Variants in SHANK1 observed in about 807,000 individuals in gnomAD.
SHANK1 encodes SH3 and multiple ankyrin repeat domains protein 1.
In SHANK1, 35 loss-of-function variants were observed where a neutral mutation model predicts 165.6. The ratio of observed to expected loss-of-function variants is 0.21; its 90% CI spans 0.16 to 0.28. SHANK1 has a LOEUF of 0.28. Among genes scored for constraint, SHANK1 ranks in the 10% least tolerant of loss-of-function variants. The pLI, the probability that SHANK1 is intolerant of heterozygous loss-of-function variation, is 1.00. For missense variants in SHANK1, 2,681 were observed against 3,036.4 expected, an observed-to-expected ratio of 0.88 and a Z score of 2.75; for synonymous variants, 1,428 against 1,384.8, an observed-to-expected ratio of 1.03 and a Z score of -0.69.
rs3987747 is a variant in SHANK1 at position 50,672,555 on chromosome 19, C to CAA, written c.2578-443_2578-442dup. Among the ~76,000 whole-genome samples, 143 of 35,220 alleles carry CAA rather than the reference C, an allele frequency of 4.1e-3. 5 individuals are homozygous for CAA. The highest frequency in any genetic ancestry group is 5.2e-3 in the Non-Finnish European group (94 of 18,240). The allele number at this position is 35,220 out of a possible 152,430, so 23.1% of individuals were successfully genotyped here. A position where few individuals can be genotyped will look rare whatever the true frequency, so the allele number is the denominator to read the frequency against. On this transcript the variant is annotated intron_variant, in intron 21 of 23. Transcript: ENST00000293441. ...TGGGCGACAGAGCCAGACTCTGTCT[C>CAA]AAAAAAAAAAAAAAAAAAAAAAAAA...
chr19:50,680,176 G>A (rs1260175293), intron 21 of SHANK1, among the ~76,000 whole-genome samples: 1 of 152,012 alleles, frequency 6.6e-6, no homozygotes, highest in African/African-American at 2.4e-5. Context: ...GAGAGTGAGA[G>A]AGGCGAAGAG....
At chr19:50,719,152 T>C (rs1260142774) in intron 1 of SHANK1, among the ~76,000 whole-genome samples, 1 of 123,986 alleles carries the variant, frequency 8.1e-6, no homozygotes, top group African/African-American at 3.2e-5. Flanking sequence ...GGGTTCGGGA[T>C]AGGGGCTCTG....
In SHANK1 at chr19:50,697,992, G is replaced by T; in HGVS notation, c.1748-36C>A. The T allele has an allele frequency of 6.8e-7, 1 of 1,466,390 alleles. No homozygotes were observed. The allele number at this position is 1,466,390 out of a possible 1,614,324, so 90.8% of individuals were successfully genotyped here. A position where few individuals can be genotyped will look rare whatever the true frequency, so the allele number is the denominator to read the frequency against. ...AACGGGGACATAGAGACATTTCTGT[G>T]TTTCTGTGCTGCCCCTCAACTGCCA... On this transcript the variant is annotated intron_variant, in intron 12 of 23. Coordinates refer to ENST00000293441, the MANE Select transcript of SHANK1 (RefSeq NM_016148.5). The surrounding 1 kb of genome is among the most constrained non-coding windows in gnomAD (Gnocchi z 4.7).
chr19:50,670,044 G>A lies in SHANK1; in HGVS notation c.2675-759C>T, dbSNP rs571432401. Reference sequence around the variant, plus strand: ...TTCTGCTGTCGACGCCCACGTTTATGCCTGGGGCCCCATCCTCCGCCCTGA... The same window carrying A: ...TTCTGCTGTCGACGCCCACGTTTATACCTGGGGCCCCATCCTCCGCCCTGA... On this transcript the variant is annotated intron_variant, in intron 22 of 23. Transcript: ENST00000293441. The surrounding 1 kb of genome is among the most constrained non-coding windows in gnomAD (Gnocchi z 4.1). 6.6e-6 allele frequency among the ~76,000 whole-genome samples: 1 copy of A among 152,202 alleles called. No individual in the cohort carries two copies. Among genetic ancestry groups the A allele is most frequent in the Admixed American group, 6.5e-5 (1 of 15,288 alleles).
intron 21 of SHANK1, among the ~76,000 whole-genome samples, chr19:50,681,776 AT>A (rs1483671512): frequency 2.0e-4 from 31 of 152,082 alleles, no homozygotes; most frequent in Admixed American, 5.2e-4. Flanking sequence ...CAGTGAATTA[AT>A]TTATGTATTT....
intron 8 of SHANK1, 139 bp from the exon 9 acceptor site, chr19:50,704,653 C>T: frequency 4.0e-6 from 3 of 755,248 alleles, no homozygotes; most frequent in Non-Finnish European, 6.7e-6. Context: ...ACAGCAGCCA[C>T]CTGCCAGGTA....
chr19:50,703,489 G>T lies in SHANK1; in HGVS notation c.1553+11C>A, dbSNP rs972186062. The T allele has an allele frequency of 6.5e-7, 1 of 1,534,002 alleles. No homozygotes were observed. The highest frequency in any genetic ancestry group is 8.7e-7 in the Non-Finnish European group (1 of 1,145,278). On this transcript the variant is annotated intron_variant, in intron 11 of 23. Coordinates refer to ENST00000293441, the MANE Select transcript of SHANK1 (RefSeq NM_016148.5). ...GGCTGGGGACTGTGGAGCCAGGGCT[G>T]CCTCCCCTACCTGGGCCGGCCTCGG...
In SHANK1 at chr19:50,702,325, A is replaced by AGG. The variant is rs1037221813; in HGVS notation, c.1747+140_1747+141dup. ...ACACTCTATGGTCCTCCAAGCCTCA[A>AGG]GGGGTGTCCTGGGGCTCTCTGAGGT... On this transcript the variant is annotated intron_variant, in intron 12 of 23. Transcript: ENST00000293441. This position sits in a 1 kb window ranked among gnomAD's most constrained non-coding sequence, Gnocchi z 5.3. The AGG allele has an allele frequency of 2.9e-6, 2 of 688,626 alleles. No individual in the cohort carries two copies. Among genetic ancestry groups the AGG allele is most frequent in the South Asian group, 3.9e-5 (2 of 51,250 alleles). 42.7% of individuals were successfully genotyped at this position (688,626 alleles called of 1,614,324 possible). A position where few individuals can be genotyped will look rare whatever the true frequency, so the allele number is the denominator to read the frequency against.
intron 3 of SHANK1, 71 bp from the exon 4 acceptor site, chr19:50,715,801 G>A: frequency 2.1e-6 from 3 of 1,414,714 alleles, no homozygotes; most frequent in Non-Finnish European, 3.0e-6. Context: ...GAAGGCTTGG[G>A]GTAGGGGAAG....
In SHANK1 at chr19:50,668,047, C is replaced by T. The variant is rs571652063; in HGVS notation, c.3913G>A (p.Gly1305Ser). 4.7e-6 allele frequency: 7 copies of T among 1,479,618 alleles called. No individual in the cohort carries two copies. The East Asian group carries it at 1.5e-4, about 31-fold the overall frequency. 91.7% of individuals were successfully genotyped at this position (1,479,618 alleles called of 1,614,324 possible). ...TAGCCGCCGTAGCCCGCGCCGCTGCCCGCAGACTCCAGTCGGAGGTAGGGC... is the reference window on the plus strand; with the variant it reads ...TAGCCGCCGTAGCCCGCGCCGCTGCTCGCAGACTCCAGTCGGAGGTAGGGC... Reference protein sequence around the residue: ...AEPYLRLESAGSGAGYGGYGA... With the variant: ...AEPYLRLESASSGAGYGGYGA... Residue 1305 changes from glycine to serine, a missense_variant, in exon 23 of 24, where the codon GGC becomes AGC. Gly to Ser is a moderately conservative substitution (Grantham distance 56). Coordinates refer to ENST00000293441, the MANE Select transcript of SHANK1 (RefSeq NM_016148.5).
At chr19:50,705,879 A>G (rs1046987787) in intron 8 of SHANK1, among the ~76,000 whole-genome samples, 4 of 152,144 alleles carry the variant, frequency 2.6e-5, no homozygotes, top group East Asian at 1.9e-4. Flanking sequence ...AAGGTGGGCC[A>G]GGGGTGGTGG....
rs1465012706 is a variant in SHANK1, at chr19:50,717,040, C to T, written c.-43-78G>A. The T allele has an allele frequency of 2.3e-5, 28 of 1,217,214 alleles. No individual in the cohort carries two copies. The highest frequency in any genetic ancestry group is 4.6e-5 in the African/African-American group (3 of 64,694). The allele number at this position is 1,217,214 out of a possible 1,614,324, so 75.4% of individuals were successfully genotyped here. ...CCGCAGGCGCTATTCGGTGGTCAAG[C>T]GGTCAAGGGCAGCCTACCCCCACTG... On this transcript the variant is annotated intron_variant, in intron 1 of 23. Coordinates refer to ENST00000293441, the MANE Select transcript of SHANK1 (RefSeq NM_016148.5). This position sits in a 1 kb window ranked among gnomAD's most constrained non-coding sequence, Gnocchi z 5.5.
Position 50,662,654 on chromosome 19 carries a change from G to A in SHANK1, c.5797C>T (p.Leu1933Phe). The A allele has an allele frequency of 3.2e-6, 5 of 1,565,302 alleles. No individual in the cohort carries two copies. In the East Asian group the frequency reaches 9.5e-5, roughly 30 times the overall value. The change falls in exon 24 of 24, where the codon CTC becomes TTC. Residue 1933 changes from leucine (L) to phenylalanine (F), a missense_variant. Coordinates refer to ENST00000293441, the MANE Select transcript of SHANK1 (RefSeq NM_016148.5). This position sits in a 1 kb window ranked among gnomAD's most constrained non-coding sequence, Gnocchi z 7.7. ...RLSDDSQSSL[L>F]SKPVSSLFQN... Reference sequence around the variant, plus strand: ...AACAGGCTGCTGACAGGCTTGGAGAGGAGTGAGGACTGGGAGTCGTCGGAG... The same window carrying A: ...AACAGGCTGCTGACAGGCTTGGAGAAGAGTGAGGACTGGGAGTCGTCGGAG...
rs985867040 is a variant in SHANK1, at chr19:50,702,439, G to A, written c.1747+28C>T. The stretch of plus-strand genomic sequence containing the variant: ...CTGATCGCCCCCACAGCCCAGCCCA[G>A]CCCAGGCCCTGCTTCCACCCTGGGT... On this transcript the variant is annotated intron_variant, in intron 12 of 23. Transcript: ENST00000293441. This position sits in a 1 kb window ranked among gnomAD's most constrained non-coding sequence, Gnocchi z 5.3. 34 of 1,588,752 alleles carry A rather than the reference G, an allele frequency of 2.1e-5. No individual in the cohort carries two copies. The highest frequency in any genetic ancestry group is 2.9e-5 in the Non-Finnish European group (34 of 1,165,866).
At chr19:50,665,951 T>A (rs150705261) in intron 23 of SHANK1, among the ~76,000 whole-genome samples, 1 of 142,940 alleles carries the variant, frequency 7.0e-6, no homozygotes, top group Non-Finnish European at 1.5e-5. Context: ...GCAGAGGTTG[T>A]GGTGAGCCGA....
In SHANK1 at chr19:50,688,156, T is replaced by C; in HGVS notation, c.2173-98A>G. 1 of 1,418,618 alleles carries C rather than the reference T, an allele frequency of 7.0e-7. No homozygotes were observed. The highest frequency in any genetic ancestry group is 9.7e-7 in the Non-Finnish European group (1 of 1,026,872). 87.9% of individuals were successfully genotyped at this position (1,418,618 alleles called of 1,614,324 possible). On this transcript the variant is annotated intron_variant, in intron 17 of 23. Coordinates refer to ENST00000293441, the MANE Select transcript of SHANK1 (RefSeq NM_016148.5). The surrounding 1 kb of genome is among the most constrained non-coding windows in gnomAD (Gnocchi z 6.7). ...GGAGGATGCCTCCTGCGCTGCCCTG[T>C]CCATGGCCCTCTGGGCTATGTTCCT...
Position 50,703,715 on chromosome 19 carries a change from G to T in SHANK1, c.1338C>A (p.Pro446=), listed in dbSNP as rs555577816. ...RANSDTSMAL[P]DWMVFSAPGA... ...CCGGGGCGGAGAACACCATCCAGTC[G>T]GGCAGCGCCATGCTGGTGTCACTGT... Residue 446 remains proline (P), a synonymous_variant, in exon 11 of 24, where the codon CCC becomes CCA. Transcript: ENST00000293441. 1,044 of 1,456,242 alleles carry T rather than the reference G, an allele frequency of 7.2e-4. No homozygotes were observed. Among genetic ancestry groups the T allele is most frequent in the Non-Finnish European group, 8.8e-4 (979 of 1,106,644 alleles). 90.2% of individuals were successfully genotyped at this position (1,456,242 alleles called of 1,614,324 possible).
intron 7 of SHANK1, 83 bp downstream of exon 7, chr19:50,711,864 A>G: frequency 1.3e-6 from 2 of 1,494,964 alleles, no homozygotes; most frequent in Admixed American, 3.4e-5. Context: ...GGACCCTGGC[A>G]TCTGGTTCCC....
chr19:50,703,959 G>GCCCC, intron 10 of SHANK1, 129 bp from the exon 11 acceptor site: 1 of 716,406 alleles, frequency 1.4e-6, no homozygotes, highest in Non-Finnish European at 2.4e-6. Context: ...AGGGAGGGGG[G>GCCCC]CCTGGAATTG....
Sources: allele counts gnomAD v4.1 joint callset (sites outside exome capture counted in the v4.1 genomes callset), GRCh38; gene constraint gnomAD v4.1.1; non-coding constraint Gnocchi (gnomAD v3.1); transcripts MANE v1.5; gene names NCBI Gene and HGNC (gene_info 2026-07-23, HGNC 2026-07-21).